Variants in FUT8 observed in about 807,000 individuals in gnomAD.
FUT8 encodes fucosyltransferase 8, also known as alpha-(1,6)-fucosyltransferase.
In FUT8, 29 loss-of-function variants were observed where a neutral mutation model predicts 71.3. The ratio of observed to expected loss-of-function variants is 0.41; its 90% CI spans 0.30 to 0.55. The LOEUF (loss-of-function observed/expected upper bound fraction) is 0.55, where lower values mean the gene tolerates loss of function less well. Ranked by LOEUF, FUT8 falls within the 20% of genes least tolerant of loss-of-function variation. FUT8 has a pLI of 0.34. For missense variants in FUT8, 544 were observed against 702.1 expected (o/e 0.77, Z 2.55); for synonymous variants, 254 against 239.3 (o/e 1.06, Z -0.57).
chr14:65,576,237 A>G (rs1886768669), intron 3 of FUT8, among the ~76,000 whole-genome samples: 1 of 152,058 alleles, frequency 6.6e-6, no homozygotes, highest in African/African-American at 2.4e-5. Flanking sequence ...ATGGTTTTAC[A>G]TTTTTAAATG....
At chr14:65,732,666 G>A (rs568755210) in intron 9 of FUT8, among the ~76,000 whole-genome samples, 68 of 152,256 alleles carry the variant, frequency 4.5e-4, no homozygotes, top group Admixed American at 7.2e-4. Context: ...CTGTTATTAG[G>A]TAAGAGTAGA....
At chr14:65,626,491 G>A (rs1486722053) in intron 5 of FUT8, among the ~76,000 whole-genome samples, 1 of 152,116 alleles carries the variant, frequency 6.6e-6, no homozygotes, top group East Asian at 1.9e-4. Context: ...TTTGATATTT[G>A]TTAGTGTAGT....
chr14:65,716,229 A>G (rs1187460283), intron 7 of FUT8, among the ~76,000 whole-genome samples: 1 of 152,152 alleles, frequency 6.6e-6, no homozygotes, highest in African/African-American at 2.4e-5. Flanking sequence ...TGAAATCTCC[A>G]GCTATTATTA....
chr14:65,655,362 G>A (rs1891621701), intron 6 of FUT8, among the ~76,000 whole-genome samples: 1 of 151,528 alleles, frequency 6.6e-6, no homozygotes, highest in African/African-American at 2.4e-5. Context: ...TGTAGTCCCA[G>A]CTACTCGGGA....
chr14:65,666,628 A>G (rs1408882362), intron 6 of FUT8, among the ~76,000 whole-genome samples: 1 of 152,134 alleles, frequency 6.6e-6, no homozygotes, highest in Non-Finnish European at 1.5e-5. Context: ...TACTGAAACT[A>G]TTCCAAAAAA....
intron 7 of FUT8, among the ~76,000 whole-genome samples, chr14:65,720,273 A>G (rs2139347136): frequency 6.6e-6 from 1 of 152,264 alleles, no homozygotes; most frequent in South Asian, 2.1e-4. Flanking sequence ...GATTATTGCC[A>G]GGCTACGGTT....
intron 3 of FUT8, among the ~76,000 whole-genome samples, chr14:65,589,127 GA>G (rs1594793704): frequency 6.6e-6 from 1 of 152,126 alleles, no homozygotes; most frequent in Non-Finnish European, 1.5e-5. Flanking sequence ...TGTTTGCCAG[GA>G]AAAGAGTGTT....
intron 2 of FUT8, among the ~76,000 whole-genome samples, chr14:65,491,780 T>C (rs148793189): frequency 5.3e-5 from 8 of 152,310 alleles, no homozygotes; most frequent in Non-Finnish European, 1.2e-4. Flanking sequence ...TTTGAGACTT[T>C]AGTAAGATAG....
chr14:65,635,839 G>A (rs1046223587), intron 6 of FUT8, among the ~76,000 whole-genome samples: 7 of 152,134 alleles, frequency 4.6e-5, no homozygotes, highest in African/African-American at 1.7e-4. Context: ...TTAGGGTGAT[G>A]CTGGCTTCAT....
intron 5 of FUT8, among the ~76,000 whole-genome samples, chr14:65,618,027 A>G (rs201148324): frequency 4.0e-5 from 3 of 75,144 alleles, no homozygotes; most frequent in South Asian, 4.4e-4. Flanking sequence ...ATATATATAT[A>G]TATATATATA....
intron 2 of FUT8, among the ~76,000 whole-genome samples, chr14:65,477,526 A>G (rs1430107947): frequency 1.3e-5 from 2 of 152,120 alleles, no homozygotes; most frequent in Non-Finnish European, 2.9e-5. Flanking sequence ...TTATACAGAT[A>G]TTTCTATATA....
chr14:65,556,484 A>G (rs1327286075), intron 2 of FUT8, among the ~76,000 whole-genome samples: 2 of 152,174 alleles, frequency 1.3e-5, no homozygotes, highest in Non-Finnish European at 2.9e-5. Context: ...ATGATGGCTG[A>G]CAGTATGGTA....
At chr14:65,641,899 A>C (rs1018142024) in intron 6 of FUT8, among the ~76,000 whole-genome samples, 1 of 151,588 alleles carries the variant, frequency 6.6e-6, no homozygotes, top group South Asian at 2.1e-4. Flanking sequence ...TATTGAGTTA[A>C]GGTTCTTTAT....
chr14:65,453,696 G>T (rs879447722), intron 1 of FUT8, among the ~76,000 whole-genome samples: 1 of 152,160 alleles, frequency 6.6e-6, no homozygotes, highest in African/African-American at 2.4e-5. Flanking sequence ...GCCCAGAGTT[G>T]TTCATATTAT....
At chr14:65,443,148 C>T (rs540862858) in intron 1 of FUT8, among the ~76,000 whole-genome samples, 6 of 152,018 alleles carry the variant, frequency 3.9e-5, no homozygotes, top group South Asian at 2.1e-4. Flanking sequence ...TGGTGGCTCA[C>T]GCCTGTAATC....
At chr14:65,630,393 A>C (rs1316690795) in intron 6 of FUT8, among the ~76,000 whole-genome samples, 2 of 152,218 alleles carry the variant, frequency 1.3e-5, no homozygotes, top group Non-Finnish European at 2.9e-5. Context: ...TATATGTAAG[A>C]AAATAATTTA....
chr14:65,504,504 G>A (rs867849952), intron 2 of FUT8, among the ~76,000 whole-genome samples: 1 of 152,170 alleles, frequency 6.6e-6, no homozygotes, highest in Non-Finnish European at 1.5e-5. Flanking sequence ...TTGTCATGTG[G>A]TTTTGTCAGC....
intron 3 of FUT8, among the ~76,000 whole-genome samples, chr14:65,576,928 C>T (rs545030403): frequency 6.6e-4 from 100 of 151,948 alleles, no homozygotes; most frequent in African/African-American, 2.3e-3. Context: ...ACCGTGTTAT[C>T]TCCTGACCTC....
In FUT8 at chr14:65,742,394, C is replaced by G; in HGVS notation, c.1712C>G (p.Pro571Arg). The change falls in exon 11 of 11, where the codon CCT becomes CGT. Residue 571 changes from proline to arginine, a missense_variant. Transcript: ENST00000673929. ...GAAACGGTCAAGTACCCCACATATC[C>G]TGAGGCTGAGAAATAAAGCTCAGAT... ...KIETVKYPTY[P>R]EAEK is the part of the protein sequence containing the mutation. 6.2e-7 allele frequency: 1 copy of G among 1,610,912 alleles called. No homozygotes were observed. Among genetic ancestry groups the G allele is most frequent in the Non-Finnish European group, 8.5e-7 (1 of 1,177,978 alleles).
Sources: allele counts gnomAD v4.1 joint callset (sites outside exome capture counted in the v4.1 genomes callset), GRCh38; gene constraint gnomAD v4.1.1; transcripts MANE v1.5; gene names NCBI Gene and HGNC (gene_info 2026-07-23, HGNC 2026-07-21).